EEA1: variants seen among roughly 807,000 people sequenced by gnomAD.
EEA1 encodes early endosome antigen 1, 162kD.
A neutral mutation model predicts 209.2 loss-of-function variants in EEA1; 111 were observed. That is an observed-to-expected ratio of 0.53 (90% CI 0.45 to 0.62). The LOEUF (loss-of-function observed/expected upper bound fraction) is 0.62, where lower values mean the gene tolerates loss of function less well. Among genes scored for constraint, EEA1 ranks in the 20% least tolerant of loss-of-function variants. The probability of loss-of-function intolerance (pLI) is 0.00; values close to 1 mark genes in which losing one functional copy is unlikely to be tolerated. For synonymous variants in EEA1, 536 were observed against 540.6 expected (o/e 0.99, Z 0.12); for missense variants, 1,343 against 1,530.8 (o/e 0.88, Z 2.05).
chr12:92,832,879 C>T, intron 10 of EEA1, 29 bp from the exon 11 acceptor site: 3 of 1,507,828 alleles, frequency 2.0e-6, no homozygotes, highest in Non-Finnish European at 2.7e-6. Context: ...AATTTATTTC[C>T]TTTTCTAATA....
intron 3 of EEA1, among the ~76,000 whole-genome samples, chr12:92,863,577 C>A (rs1323278694): frequency 6.6e-6 from 1 of 152,210 alleles, no homozygotes; most frequent in Non-Finnish European, 1.5e-5. Context: ...CAACCCCAGT[C>A]TCCCTCACTT....
intron 10 of EEA1, 101 bp downstream of exon 10, chr12:92,842,364 G>T: frequency 1.7e-6 from 1 of 575,854 alleles, no homozygotes; most frequent in Non-Finnish European, 2.9e-6. Flanking sequence ...AAAAAAATAA[G>T]TCACATTGTA....
intron 2 of EEA1, among the ~76,000 whole-genome samples, chr12:92,885,858 T>C (rs1879358570): frequency 6.6e-6 from 1 of 152,160 alleles, no homozygotes; most frequent in African/African-American, 2.4e-5. Context: ...TGTAATAACA[T>C]ATATGTAATA....
chr12:92,851,103 T>C lies in EEA1; in HGVS notation c.798+8A>G. ...TGAATCACATTTAAGTACAATGAAC[T>C]TCATTACCTCTGAGCTAGCATATTG... On this transcript the variant is annotated splice_region_variant and intron_variant, in intron 9 of 28. Coordinates refer to ENST00000322349, the MANE Select transcript of EEA1 (RefSeq NM_003566.4). 1 of 1,612,928 alleles carries C rather than the reference T, an allele frequency of 6.2e-7. No individual in the cohort carries two copies. Among genetic ancestry groups the C allele is most frequent in the Non-Finnish European group, 8.5e-7 (1 of 1,179,640 alleles).
chr12:92,804,550 C>T lies in EEA1; in HGVS notation c.2340-1816G>A, dbSNP rs559545232. 7.2e-5 allele frequency among the ~76,000 whole-genome samples: 9 copies of T among 125,502 alleles called. No homozygotes were observed. The East Asian group carries it at 2.0e-3, about 28-fold the overall frequency. 82.3% of individuals were successfully genotyped at this position (125,502 alleles called of 152,430 possible). The stretch of plus-strand genomic sequence containing the variant: ...TCACGCCACTGCATTCCAGCCTGGG[C>T]GACAGAGTGAGACTCTGTCTCAAAA... On this transcript the variant is annotated intron_variant, in intron 18 of 28. Transcript: ENST00000322349.
At chr12:92,842,720 A>C (rs1249066348) in intron 9 of EEA1, 139 bp from the exon 10 acceptor site, 3 of 568,442 alleles carry the variant, frequency 5.3e-6, no homozygotes, top group Non-Finnish European at 6.2e-6. Flanking sequence ...CCTACCACCT[A>C]TACTGCCACA....
intron 10 of EEA1, among the ~76,000 whole-genome samples, chr12:92,836,344 A>G (rs934427628): frequency 1.3e-5 from 2 of 152,200 alleles, no homozygotes; most frequent in Non-Finnish European, 2.9e-5. Flanking sequence ...CCTTCCAAGT[A>G]TCCAGTCCCT....
chr12:92,790,774 A>G (rs946175235), intron 21 of EEA1, among the ~76,000 whole-genome samples: 3 of 152,136 alleles, frequency 2.0e-5, no homozygotes, highest in African/African-American at 7.2e-5. Context: ...TACAGAGAAC[A>G]CCACAAAGAT....
chr12:92,818,260 C>G (rs983549646), intron 14 of EEA1, among the ~76,000 whole-genome samples: 2 of 152,108 alleles, frequency 1.3e-5, no homozygotes, highest in African/African-American at 4.8e-5. Context: ...CTTAGATTCC[C>G]CCAAGCGGTG....
chr12:92,808,303 C>T (rs10732652), intron 18 of EEA1, among the ~76,000 whole-genome samples: 152,198 of 152,262 alleles, frequency 1, 76,067 homozygotes, highest in Middle Eastern at 1. Context: ...GCTAGATCCA[C>T]AGATACACAG....
intron 2 of EEA1, chr12:92,883,818 G>C: frequency 1.9e-6 from 3 of 1,593,958 alleles, no homozygotes; most frequent in Non-Finnish European, 1.7e-6. Flanking sequence ...AGCTGAGGAA[G>C]CTCTTCATTG....
Position 92,866,748 on chromosome 12 carries a change from T to C in EEA1, c.118-1761A>G, listed in dbSNP as rs1419226213. 2.6e-5 allele frequency among the ~76,000 whole-genome samples: 4 copies of C among 152,206 alleles called. No individual in the cohort carries two copies. In the East Asian group the frequency reaches 7.7e-4, roughly 29 times the overall value. On this transcript the variant is annotated intron_variant, in intron 2 of 28. Coordinates refer to ENST00000322349, the MANE Select transcript of EEA1 (RefSeq NM_003566.4). ...ATCTTTAACAACATATATCTCTACCTGCATCCCACAGGCATCTCAAATACA... is the reference window on the plus strand; with the variant it reads ...ATCTTTAACAACATATATCTCTACCCGCATCCCACAGGCATCTCAAATACA...
At chr12:92,862,198 A>T (rs779052461) in intron 3 of EEA1, among the ~76,000 whole-genome samples, 21 of 143,508 alleles carry the variant, frequency 1.5e-4, no homozygotes, top group Non-Finnish European at 2.9e-4. Context: ...GGAAGAAGAG[A>T]TACAATACAA....
chr12:92,825,759 C>A (rs1239093397), intron 13 of EEA1, among the ~76,000 whole-genome samples: 1 of 151,384 alleles, frequency 6.6e-6, no homozygotes. Context: ...GAACATTTTT[C>A]ATTTTCCAAA....
intron 2 of EEA1, among the ~76,000 whole-genome samples, chr12:92,867,102 A>G (rs1878434515): frequency 6.6e-6 from 1 of 152,182 alleles, no homozygotes; most frequent in African/African-American, 2.4e-5. Context: ...AATATCCTTC[A>G]GCAAACTTTA....
chr12:92,777,432 C>T (rs1360703314), intron 27 of EEA1, 111 bp downstream of exon 27: 2 of 1,167,814 alleles, frequency 1.7e-6, no homozygotes, highest in South Asian at 1.9e-5. Context: ...CAGAGAGTAG[C>T]TATTTGAAAG....
At position 92,838,707 on chromosome 12, in the gene EEA1, C is replaced by T. The variant is rs547915158; in HGVS notation, c.915+3758G>A. 2.0e-3 allele frequency among the ~76,000 whole-genome samples: 304 copies of T among 151,806 alleles called. 2 individuals carry two copies. Among genetic ancestry groups the T allele is most frequent in the Non-Finnish European group, 3.3e-3 (223 of 67,970 alleles). On this transcript the variant is annotated intron_variant, in intron 10 of 28. Coordinates refer to ENST00000322349, the MANE Select transcript of EEA1 (RefSeq NM_003566.4). ...GCCCTACAGGACAGGAATTTCACTT[C>T]GAGTATCTAACATAGAGAAATTCTT... is the stretch of plus-strand genomic sequence containing the variant.
intron 3 of EEA1, chr12:92,859,134 A>G: frequency 7.5e-7 from 1 of 1,333,636 alleles, no homozygotes; most frequent in East Asian, 2.3e-5. Flanking sequence ...TAGAGATTAT[A>G]AAGAAGAATT....
chr12:92,882,521 G>A (rs1009934398), intron 2 of EEA1, among the ~76,000 whole-genome samples: 8 of 149,860 alleles, frequency 5.3e-5, no homozygotes, highest in African/African-American at 2.0e-4. Flanking sequence ...TGTCACCCAG[G>A]TACTAAGTAT....
Sources: allele counts gnomAD v4.1 joint callset (sites outside exome capture counted in the v4.1 genomes callset), GRCh38; gene constraint gnomAD v4.1.1; transcripts MANE v1.5; gene names NCBI Gene and HGNC (gene_info 2026-07-23, HGNC 2026-07-21).